Variants in PRKCQ observed in about 807,000 individuals in gnomAD.
PRKCQ encodes protein kinase C theta, also known as protein kinase C theta type.
Under a neutral mutation model 91.2 loss-of-function variants are expected in PRKCQ, and 41 were observed. The observed-to-expected ratio is 0.45, with a 90% CI of 0.35 to 0.58. PRKCQ has a LOEUF of 0.58. PRKCQ is among the 20% of genes least tolerant of loss of function. PRKCQ has a pLI of 0.00. For synonymous variants in PRKCQ, 307 were observed against 316.9 expected (o/e 0.97, Z 0.33); for missense variants, 673 against 896.5 (o/e 0.75, Z 3.18).
At chr10:6,492,901 G>A (rs979225068) in intron 7 of PRKCQ, among the ~76,000 whole-genome samples, 2 of 152,188 alleles carry the variant, frequency 1.3e-5, no homozygotes, top group East Asian at 1.9e-4. Flanking sequence ...TAGATCTAAC[G>A]TTCCCGCCAG....
At chr10:6,532,085 T>G (rs1349250666) in intron 1 of PRKCQ, among the ~76,000 whole-genome samples, 1 of 152,228 alleles carries the variant, frequency 6.6e-6, no homozygotes, top group Non-Finnish European at 1.5e-5. Context: ...AGAGTATTAA[T>G]ATTACATATG....
At chr10:6,400,564 G>A in the PRKCQ span, among the ~76,000 whole-genome samples, 2 of 151,562 alleles carry the variant, frequency 1.3e-5, no homozygotes, top group African/African-American at 2.4e-5. Context: ...CCCGTGTCTC[G>A]GCAGGCCCAG....
At chr10:6,489,755 T>A (rs1837173641) in intron 8 of PRKCQ, among the ~76,000 whole-genome samples, 1 of 151,634 alleles carries the variant, frequency 6.6e-6, no homozygotes, top group Admixed American at 6.6e-5. Flanking sequence ...AGGGGAGCAC[T>A]TGAAATGTAG....
At chr10:6,395,915 C>T in the PRKCQ span, among the ~76,000 whole-genome samples, 24 of 152,126 alleles carry the variant, frequency 1.6e-4, no homozygotes, top group African/African-American at 4.8e-4. Context: ...ATTTAGCTCT[C>T]GTGACGGGTC....
At chr10:6,517,588 CTTTTTTTTTTTTTTTT>C (rs56306878) in intron 1 of PRKCQ, among the ~76,000 whole-genome samples, 11 of 49,482 alleles carry the variant, frequency 2.2e-4, no homozygotes, top group Admixed American at 3.3e-4. Context: ...AAGATAGCAT[CTTTTTTTTTTTTTTTT>C]TTTTTTTTTT....
chr10:6,431,693 T>C (rs1270638401), intron 16 of PRKCQ, among the ~76,000 whole-genome samples: 1 of 152,250 alleles, frequency 6.6e-6, no homozygotes, highest in Non-Finnish European at 1.5e-5. Context: ...ATTCTTAGAA[T>C]GATTCCAGCA....
chr10:6,453,161 C>G (rs1454832944), intron 15 of PRKCQ, among the ~76,000 whole-genome samples: 11 of 150,044 alleles, frequency 7.3e-5, no homozygotes, highest in East Asian at 2.0e-4. Flanking sequence ...AGAAAATTTT[C>G]GCAACCTACT....
At chr10:6,535,772 A>T (rs1050494782) in intron 1 of PRKCQ, among the ~76,000 whole-genome samples, 21 of 152,112 alleles carry the variant, frequency 1.4e-4, no homozygotes, top group African/African-American at 5.1e-4. Flanking sequence ...GATCCATCAA[A>T]GCGGACAGAT....
At chr10:6,512,758 G>T (rs1164074854) in intron 2 of PRKCQ, among the ~76,000 whole-genome samples, 1 of 151,854 alleles carries the variant, frequency 6.6e-6, no homozygotes, top group African/African-American at 2.4e-5. Flanking sequence ...TTATTTCGGG[G>T]GTATACAAGG....
chr10:6,564,667 G>C (rs575072577), intron 1 of PRKCQ, among the ~76,000 whole-genome samples: 15 of 152,142 alleles, frequency 9.9e-5, no homozygotes, highest in Admixed American at 3.3e-4. Flanking sequence ...GACCAAAACC[G>C]CCAAGCCAAG....
At chr10:6,412,120 C>T in the PRKCQ span, among the ~76,000 whole-genome samples, 3 of 152,160 alleles carry the variant, frequency 2.0e-5, no homozygotes, top group East Asian at 3.8e-4. Context: ...AGTAATGGTG[C>T]CATCATAGCT....
chr10:6,486,019 C>T lies in PRKCQ; in HGVS notation c.900+16G>A, dbSNP rs200485364. The stretch of plus-strand genomic sequence containing the variant: ...AGCGGCCATGGCGGGAACGTGTCCA[C>T]GGCACATGCTCCTACCTGTTGAGTG... On this transcript the variant is annotated intron_variant, in intron 9 of 17. Transcript: ENST00000263125. 17 of 1,603,714 alleles carry T rather than the reference C, an allele frequency of 1.1e-5. No individual in the cohort carries two copies. Among genetic ancestry groups the T allele is most frequent in the Admixed American group, 1.0e-4 (6 of 59,926 alleles).
At chr10:6,554,873 A>G (rs893787347) in intron 1 of PRKCQ, among the ~76,000 whole-genome samples, 3 of 152,224 alleles carry the variant, frequency 2.0e-5, no homozygotes, top group African/African-American at 7.2e-5. Flanking sequence ...CATTAACAAC[A>G]GCAAAGACAT....
At chr10:6,471,183 C>A (rs2130737887) in intron 12 of PRKCQ, among the ~76,000 whole-genome samples, 1 of 152,260 alleles carries the variant, frequency 6.6e-6, no homozygotes, top group East Asian at 1.9e-4. Flanking sequence ...AGCCCCTGAA[C>A]ATTATCTAGC....
intron 1 of PRKCQ, among the ~76,000 whole-genome samples, chr10:6,539,381 C>T (rs936581923): frequency 2.6e-5 from 4 of 152,112 alleles, no homozygotes; most frequent in South Asian, 4.1e-4. Flanking sequence ...GCCTGAGCCC[C>T]GCCTCCTGTC....
At position 6,579,345 on chromosome 10, in the gene PRKCQ, A is replaced by AT. The variant is rs531794566; in HGVS notation, c.-10+865dup. 2.4e-3 allele frequency among the ~76,000 whole-genome samples: 372 copies of AT among 152,252 alleles called. 2 individuals carry two copies. The highest frequency in any genetic ancestry group is 8.3e-3 in the South Asian group (40 of 4,814). On this transcript the variant is annotated intron_variant, in intron 1 of 17. Coordinates refer to ENST00000263125, the MANE Select transcript of PRKCQ (RefSeq NM_006257.5). ...CTGTGCCACTCCTGAATCATCTTTT[A>AT]TAGCACCACGTCCAGCCCGCACAGG...
chr10:6,491,066 G>A (rs1348975139), intron 8 of PRKCQ, among the ~76,000 whole-genome samples: 3 of 152,150 alleles, frequency 2.0e-5, no homozygotes, highest in Non-Finnish European at 2.9e-5. Flanking sequence ...GCTCTGCTGC[G>A]ATCCTGGCCT....
At chr10:6,445,197 G>A (rs1004323778) in intron 15 of PRKCQ, among the ~76,000 whole-genome samples, 16 of 151,034 alleles carry the variant, frequency 1.1e-4, no homozygotes, top group Non-Finnish European at 1.5e-4. Flanking sequence ...TTTTGATGTC[G>A]GTGAGCTTTT....
intron 1 of PRKCQ, among the ~76,000 whole-genome samples, chr10:6,542,816 T>C (rs1296819610): frequency 6.6e-6 from 1 of 152,228 alleles, no homozygotes; most frequent in Admixed American, 6.5e-5. Context: ...GCTACCTACA[T>C]CCTAGCTTTC....
Sources: allele counts gnomAD v4.1 joint callset (sites outside exome capture counted in the v4.1 genomes callset), GRCh38; gene constraint gnomAD v4.1.1; transcripts MANE v1.5; gene names NCBI Gene and HGNC (gene_info 2026-07-23, HGNC 2026-07-21).